The following TLR5 variants were observed in gnomAD, a reference collection of about 807,000 sequenced individuals.
TLR5 encodes toll-like receptor 5.
For synonymous variants in TLR5, 373 were observed against 384.4 expected (o/e 0.97, Z 0.35); for missense variants, 944 against 999.8 (o/e 0.94, Z 0.75).
intron 5 of TLR5, among the ~76,000 whole-genome samples, chr1:223,132,228 T>C (rs1390377207): frequency 6.6e-6 from 1 of 152,086 alleles, no homozygotes. Context: ...CCAGGCATGC[T>C]GGTGTGCACC....
chr1:223,120,741 A>G (rs892860950), intron 5 of TLR5, among the ~76,000 whole-genome samples: 2 of 152,232 alleles, frequency 1.3e-5, no homozygotes, highest in African/African-American at 4.8e-5. Flanking sequence ...TTTATGTGTG[A>G]GCAAATTTAC....
At chr1:223,126,312 T>A (rs2430402) in intron 5 of TLR5, among the ~76,000 whole-genome samples, 5 of 151,910 alleles carry the variant, frequency 3.3e-5, no homozygotes, top group Non-Finnish European at 5.9e-5. Context: ...AATTCAGAGA[T>A]AGGAAGCAGA....
At chr1:223,142,977 C>G (rs950993399) in intron 1 of TLR5, among the ~76,000 whole-genome samples, 1 of 152,306 alleles carries the variant, frequency 6.6e-6, no homozygotes, top group East Asian at 1.9e-4. Context: ...ACGCTCACCC[C>G]GTCCCTGGGC....
At position 223,110,574 on chromosome 1, in the gene TLR5, C is replaced by A. The variant is rs1396370577; in HGVS notation, c.2458G>T (p.Glu820Ter). 6.2e-7 allele frequency: 1 copy of A among 1,614,208 alleles called. No homozygotes were observed. Among genetic ancestry groups the A allele is most frequent in the East Asian group, 2.2e-5 (1 of 44,886 alleles). ...AACCAGCCAACATCCTGGAGATCCT[C>A]AGGCCACCTCAAATACTGCTGTTTC... Reference protein sequence around the residue: ...VQKQQYLRWPEDLQDVGWFLH... With the variant: ...VQKQQYLRWP Residue 820 changes from glutamate (E) to a stop codon, truncating the protein, a stop_gained, in exon 6 of 6, where the codon GAG becomes TAG. Transcript: ENST00000642603. LOFTEE classifies it low-confidence loss of function (END_TRUNC).
At chr1:223,133,401 C>G (rs1657469978) in intron 4 of TLR5, among the ~76,000 whole-genome samples, 1 of 152,182 alleles carries the variant, frequency 6.6e-6, no homozygotes, top group Non-Finnish European at 1.5e-5. Flanking sequence ...CGCCTGAGAC[C>G]TCCTTGAAAC....
At chr1:223,115,304 C>G (rs574095196) in intron 5 of TLR5, among the ~76,000 whole-genome samples, 35 of 152,332 alleles carry the variant, frequency 2.3e-4, no homozygotes, top group African/African-American at 8.2e-4. Context: ...GGCTGGAGTG[C>G]AGCGGTGCTA....
chr1:223,111,925 C>T lies in TLR5; in HGVS notation c.1107G>A (p.Lys369=), dbSNP rs775109650. The T allele has an allele frequency of 1.2e-6, 2 of 1,614,106 alleles. No homozygotes were observed. The highest frequency in any genetic ancestry group is 4.5e-5 in the East Asian group (2 of 44,890). The change falls in exon 6 of 6, where the codon AAG becomes AAA. Residue 369 remains lysine (K), a synonymous_variant. Transcript: ENST00000642603. ...GGTCTTGAATTATTGCAATGTGATT[C>T]TTTTGCAAATCAATGTAGGCTACCT... ...LPKVAYIDLQ[K]NHIAIIQDQT...
chr1:223,127,154 A>C (rs34709111), intron 5 of TLR5: 5,856 of 152,300 alleles, frequency 0.038, 214 homozygotes, highest in Admixed American at 0.089. Flanking sequence ...TTAATGCTTG[A>C]TCCCTAATAG....
intron 2 of TLR5, 113 bp downstream of exon 2, chr1:223,141,535 G>T (rs1657838299): frequency 6.6e-6 from 1 of 152,144 alleles, no homozygotes; most frequent in South Asian, 2.1e-4. Flanking sequence ...CACTGTGGGA[G>T]GCCAAGACAG....
chr1:223,112,111 G>C lies in TLR5; in HGVS notation c.921C>G (p.Val307=). The change falls in exon 6 of 6, where the codon GTC becomes GTG. Residue 307 remains valine, a synonymous_variant. Coordinates refer to ENST00000642603, the MANE Select transcript of TLR5 (RefSeq NM_003268.6). ...CCTTCAAATCCTTGAGTGTCTCAAA[G>C]ACTCGTGAGTTCAGGGAGAAGACAA... ...HGFVFSLNSR[V]FETLKDLKVL... 1 of 1,614,198 alleles carries C rather than the reference G, an allele frequency of 6.2e-7. No homozygotes were observed. Among genetic ancestry groups the C allele is most frequent in the Non-Finnish European group, 8.5e-7 (1 of 1,180,032 alleles).
intron 1 of TLR5, 40 bp from the exon 2 acceptor site, chr1:223,141,803 A>T (rs1159566433): frequency 7.2e-5 from 6 of 83,340 alleles, no homozygotes; most frequent in Non-Finnish European, 1.1e-4. Flanking sequence ...ATATATATAT[A>T]TATATATATA....
At chr1:223,142,282 G>A (rs1335530267) in intron 1 of TLR5, among the ~76,000 whole-genome samples, 1 of 152,180 alleles carries the variant, frequency 6.6e-6, no homozygotes. Flanking sequence ...TGCACTTGCC[G>A]TCCAAACAGA....
At position 223,126,073 on chromosome 1, in the gene TLR5, C is replaced by T. The variant is rs1439599976; in HGVS notation, c.-5+6402G>A. Among the ~76,000 whole-genome samples, 6 of 152,214 alleles carry T rather than the reference C, an allele frequency of 3.9e-5. No homozygotes were observed. The South Asian group carries it at 6.2e-4, about 16-fold the overall frequency. ...CACACCAATATTCATAGCAGTATCA[C>T]TCACAATAGTCAAAGGGTGGAAACA... On this transcript the variant is annotated intron_variant, in intron 5 of 5. Coordinates refer to ENST00000642603, the MANE Select transcript of TLR5 (RefSeq NM_003268.6).
At position 223,131,120 on chromosome 1, in the gene TLR5, T is replaced by G. The variant is rs780855359; in HGVS notation, c.-5+1355A>C. On this transcript the variant is annotated intron_variant, in intron 5 of 5. Transcript: ENST00000642603. The surrounding 1 kb of genome is among the most constrained non-coding windows in gnomAD (Gnocchi z 4.2). ...TGACCCTGACACACACACCCCTCAC[T>G]TACTATCTGAGGGGGCTTCCTAGGG... Among the ~76,000 whole-genome samples, 6 of 152,098 alleles carry G rather than the reference T, an allele frequency of 3.9e-5. No homozygotes were observed. Among genetic ancestry groups the G allele is most frequent in the Non-Finnish European group, 7.4e-5 (5 of 68,002 alleles).
At chr1:223,142,833 C>G (rs5744104) in intron 1 of TLR5, among the ~76,000 whole-genome samples, 3,174 of 152,224 alleles carry the variant, frequency 0.021, 44 homozygotes, top group Non-Finnish European at 0.03. Context: ...GCCTCTTCCA[C>G]AGGGTGGGGG....
At chr1:223,117,141 G>A in intron 5 of TLR5, among the ~76,000 whole-genome samples, 2 of 152,252 alleles carry the variant, frequency 1.3e-5, no homozygotes, top group South Asian at 4.1e-4. Flanking sequence ...TTCGAGTGTG[G>A]CGCCGGCGGG....
intron 3 of TLR5, 118 bp downstream of exon 3, chr1:223,137,060 A>C (rs779916018): frequency 1.1e-4 from 16 of 152,136 alleles, no homozygotes; most frequent in Non-Finnish European, 1.9e-4. Flanking sequence ...TGGGATCAAG[A>C]GATGTGCCCG....
At chr1:223,141,814 TATATATATAGAGAGAGAG>T (rs1487900801) in intron 1 of TLR5, 51 bp from the exon 2 acceptor site, 702 of 46,754 alleles carry the variant, frequency 0.015, 3 homozygotes, top group East Asian at 0.029. Flanking sequence ...TATATATATA[TATATATATAGAGAGAGAG>T]AGAGAGAGAG....
At chr1:223,136,216 G>A (rs1657606516) in intron 3 of TLR5, among the ~76,000 whole-genome samples, 1 of 152,204 alleles carries the variant, frequency 6.6e-6, no homozygotes. Flanking sequence ...ACTCTGGCAG[G>A]ACCCCAGTGA....
Sources: gnomAD v4.1 joint callset for allele counts (sites outside exome capture counted in the v4.1 genomes callset) on GRCh38, gnomAD v4.1.1 for gene constraint, Gnocchi (gnomAD v3.1) non-coding constraint, MANE v1.5 for transcripts, NCBI Gene and HGNC (gene_info 2026-07-23, HGNC 2026-07-21) for gene names.